GSK3B: variants seen among roughly 807,000 people sequenced by gnomAD.
GSK3B encodes the protein glycogen synthase kinase 3 beta.
GSK3B carries 15 observed loss-of-function variants against 56.4 expected under a neutral mutation model. The ratio of observed to expected loss-of-function variants is 0.27; its 90% CI spans 0.18 to 0.41. GSK3B has a LOEUF of 0.41. GSK3B is among the 10% of genes least tolerant of loss of function. GSK3B has a pLI of 1.00. For missense variants in GSK3B, 300 were observed against 513.4 expected, an observed-to-expected ratio of 0.58 and a Z score of 4.02; for synonymous variants, 181 against 188.9, an observed-to-expected ratio of 0.96 and a Z score of 0.34.
In GSK3B at chr3:119,907,596, C is replaced by T. The variant is rs554194142; in HGVS notation, c.716-1744G>A. ...AAAACTTCAACTAAATAGAAGGTAC[C>T]GGAAAAATAGAAATAGTGCTTTGGC... On this transcript the variant is annotated intron_variant, in intron 6 of 10. Coordinates refer to ENST00000264235, the MANE Select transcript of GSK3B (RefSeq NM_001146156.2). 7.2e-4 allele frequency among the ~76,000 whole-genome samples: 109 copies of T among 152,108 alleles called. 1 individual carries two copies. The highest frequency in any genetic ancestry group is 2.3e-3 in the Admixed American group (35 of 15,274).
In GSK3B at chr3:119,824,684, T is replaced by C. The variant is rs2055473382; in HGVS notation, c.*2104A>G. 1 of 194,530 alleles carries C rather than the reference T, an allele frequency of 5.1e-6. No individual in the cohort carries two copies. The highest frequency in any genetic ancestry group is 6.1e-5 in the Admixed American group (1 of 16,356). 12.1% of individuals were successfully genotyped at this position (194,530 alleles called of 1,614,324 possible). A position where few individuals can be genotyped will look rare whatever the true frequency, so the allele number is the denominator to read the frequency against. On this transcript the variant is annotated 3_prime_UTR_variant, in exon 11 of 11. Transcript: ENST00000264235. The stretch of plus-strand genomic sequence containing the variant: ...CAAATCTTAGCTTTCAGAAGCACTT[T>C]ATAAAACATAAAATTCAATTTGTTT...
intron 1 of GSK3B, among the ~76,000 whole-genome samples, chr3:120,046,099 G>A (rs1351037257): frequency 6.6e-6 from 1 of 151,408 alleles, no homozygotes; most frequent in East Asian, 1.9e-4. Context: ...AGGAGGGGAT[G>A]GGAGGAGGGG....
At chr3:119,964,701 C>A (rs1419642196) in intron 2 of GSK3B, among the ~76,000 whole-genome samples, 1 of 152,088 alleles carries the variant, frequency 6.6e-6, no homozygotes, top group Admixed American at 6.5e-5. Flanking sequence ...CTATAATTAA[C>A]AAGGTGAACT....
chr3:120,069,424 G>A (rs1028828355), intron 1 of GSK3B, among the ~76,000 whole-genome samples: 4 of 152,076 alleles, frequency 2.6e-5, no homozygotes, highest in Admixed American at 6.5e-5. Flanking sequence ...TAGCCTTCAC[G>A]GTACTGAATG....
In GSK3B at chr3:119,956,766, G is replaced by A. The variant is rs560471983; in HGVS notation, c.283-9415C>T. Among the ~76,000 whole-genome samples the A allele has an allele frequency of 3.3e-5, 5 of 152,298 alleles. No individual in the cohort carries two copies. The South Asian group carries it at 8.3e-4, about 25-fold the overall frequency. On this transcript the variant is annotated intron_variant, in intron 2 of 10. Coordinates refer to ENST00000264235, the MANE Select transcript of GSK3B (RefSeq NM_001146156.2). ...GATTCTGGAGAATATCATCATTTAA[G>A]CAGACAGAAGAAAAGGAATCAATAC...
At chr3:120,015,490 G>T (rs1270188080) in intron 1 of GSK3B, among the ~76,000 whole-genome samples, 1 of 150,814 alleles carries the variant, frequency 6.6e-6, no homozygotes, top group Non-Finnish European at 1.5e-5. Context: ...CTCTACCAAA[G>T]ATACAAAAAA....
chr3:120,050,948 G>A (rs1050252690), intron 1 of GSK3B, among the ~76,000 whole-genome samples: 2 of 152,116 alleles, frequency 1.3e-5, no homozygotes, highest in African/African-American at 2.4e-5. Context: ...AGGTAGAGAA[G>A]TGCTCTGCAG....
intron 1 of GSK3B, among the ~76,000 whole-genome samples, chr3:120,022,439 T>C (rs2057887062): frequency 6.6e-6 from 1 of 152,234 alleles, no homozygotes; most frequent in African/African-American, 2.4e-5. Context: ...GGTATGCACA[T>C]ATTAAATAAC....
chr3:119,937,708 G>A lies in GSK3B; in HGVS notation c.366+9560C>T, dbSNP rs188309469. 9.2e-5 allele frequency among the ~76,000 whole-genome samples: 14 copies of A among 151,432 alleles called. No homozygotes were observed. The East Asian group carries it at 2.3e-3, about 25-fold the overall frequency. On this transcript the variant is annotated intron_variant, in intron 3 of 10. Transcript: ENST00000264235. The stretch of plus-strand genomic sequence containing the variant: ...AAATCATTAATCTAACTCTACAACC[G>A]GAGAACTACAAAGAAGAAACTGAAC...
At chr3:119,848,916 C>G (rs2055891903) in intron 9 of GSK3B, among the ~76,000 whole-genome samples, 1 of 152,086 alleles carries the variant, frequency 6.6e-6, no homozygotes, top group Admixed American at 6.6e-5. Context: ...AGATACTGCC[C>G]TAATTATCAG....
At chr3:119,843,408 A>G in intron 9 of GSK3B, 55 bp from the exon 10 acceptor site, 1 of 954,072 alleles carries the variant, frequency 1.0e-6, no homozygotes, top group South Asian at 1.3e-5. Context: ...TGTATGCAAA[A>G]CTATTTTATT....
chr3:119,996,989 A>T (rs1254030311), intron 2 of GSK3B, among the ~76,000 whole-genome samples: 1 of 152,184 alleles, frequency 6.6e-6, no homozygotes, highest in African/African-American at 2.4e-5. Flanking sequence ...TATATATTAC[A>T]TTTAGATCAT....
intron 2 of GSK3B, among the ~76,000 whole-genome samples, chr3:119,966,512 G>A (rs912680210): frequency 9.9e-5 from 15 of 152,078 alleles, no homozygotes; most frequent in Admixed American, 7.9e-4. Context: ...GGGAGGATTA[G>A]GAAAATAAGA....
intron 1 of GSK3B, among the ~76,000 whole-genome samples, chr3:120,063,682 C>A (rs1387939687): frequency 7.0e-6 from 1 of 143,268 alleles, no homozygotes; most frequent in African/African-American, 2.6e-5. Flanking sequence ...GAGCCGAGAT[C>A]GTGCCATTAC....
intron 3 of GSK3B, among the ~76,000 whole-genome samples, chr3:119,942,723 T>C (rs2057062123): frequency 6.6e-6 from 1 of 152,072 alleles, no homozygotes; most frequent in African/African-American, 2.4e-5. Flanking sequence ...CTATCAGAGG[T>C]CTTCAGAAAA....
chr3:120,044,440 T>C (rs367934164), intron 1 of GSK3B, among the ~76,000 whole-genome samples: 1 of 151,818 alleles, frequency 6.6e-6, no homozygotes, highest in Non-Finnish European at 1.5e-5. Context: ...TGCTCTCTTG[T>C]CCAGTTGGCT....
chr3:120,025,404 G>A (rs2057914353), intron 1 of GSK3B, among the ~76,000 whole-genome samples: 2 of 151,812 alleles, frequency 1.3e-5, no homozygotes, highest in Non-Finnish European at 2.9e-5. Context: ...GCAAAGAACA[G>A]AAAAAAACAC....
chr3:119,978,474 G>C (rs1039438816), intron 2 of GSK3B, among the ~76,000 whole-genome samples: 2 of 152,160 alleles, frequency 1.3e-5, no homozygotes, highest in African/African-American at 4.8e-5. Flanking sequence ...TGCCAGCCGC[G>C]TTTTGTGTTT....
At chr3:120,009,377 T>C (rs1559874668) in intron 1 of GSK3B, among the ~76,000 whole-genome samples, 4 of 152,132 alleles carry the variant, frequency 2.6e-5, no homozygotes, top group African/African-American at 2.4e-5. Flanking sequence ...ATGAAACACA[T>C]GCACACGTAC....
Sources: gnomAD v4.1 joint callset for allele counts (sites outside exome capture counted in the v4.1 genomes callset) on GRCh38, gnomAD v4.1.1 for gene constraint, MANE v1.5 for transcripts, NCBI Gene and HGNC (gene_info 2026-07-23, HGNC 2026-07-21) for gene names.